The following PDSS1 variants were observed in gnomAD, a reference collection of about 807,000 sequenced individuals.
The protein encoded by PDSS1 is all trans-polyprenyl-diphosphate synthase PDSS1.
PDSS1 carries 43 observed loss-of-function variants against 57.5 expected under a neutral mutation model. The ratio of observed to expected loss-of-function variants is 0.75; its 90% CI spans 0.59 to 0.96. The LOEUF (loss-of-function observed/expected upper bound fraction) is 0.96. Ranked by LOEUF, PDSS1 falls within the 50% of genes least tolerant of loss-of-function variation. The probability of loss-of-function intolerance (pLI) is 0.00; values close to 1 mark genes in which losing one functional copy is unlikely to be tolerated. For synonymous variants in PDSS1, 175 were observed against 191.3 expected, an observed-to-expected ratio of 0.91 and a Z score of 0.70; for missense variants, 438 against 527.8, an observed-to-expected ratio of 0.83 and a Z score of 1.67.
At chr10:26,704,083 C>CAAAAAAAAAAAAAAA (rs1203931422) in intron 2 of PDSS1, among the ~76,000 whole-genome samples, 582 of 30,628 alleles carry the variant, frequency 0.019, 68 homozygotes, top group Non-Finnish European at 0.022. Context: ...CTCCGTCTCA[C>CAAAAAAAAAAAAAAA]AAAAAAAAAA....
intron 8 of PDSS1, 22 bp from the exon 9 acceptor site, chr10:26,735,218 C>T: frequency 6.3e-7 from 1 of 1,585,108 alleles, no homozygotes; most frequent in Non-Finnish European, 8.7e-7. Flanking sequence ...CAGCTTATCT[C>T]AGAATGCTCT....
chr10:26,706,700 A>G (rs1003788786), intron 4 of PDSS1, among the ~76,000 whole-genome samples: 1 of 151,942 alleles, frequency 6.6e-6, no homozygotes, highest in East Asian at 1.9e-4. Context: ...CAGTGCCTTC[A>G]TGTTCCCTCC....
chr10:26,724,033 G>A lies in PDSS1; in HGVS notation c.741G>A (p.Gly247=), dbSNP rs1835874769. The A allele has an allele frequency of 6.2e-7, 1 of 1,613,838 alleles. No individual in the cohort carries two copies. The highest frequency in any genetic ancestry group is 8.5e-7 in the Non-Finnish European group (1 of 1,179,820). ...TTATAGGTGAATTTCTTCAGCTCGG[G>A]TCAAAAGAAAATGAGAATGAAAGAT... ...DLVRGEFLQL[G]SKENENERFA... The change falls in exon 8 of 12, where the codon GGG becomes GGA. Residue 247 remains glycine (G), a synonymous_variant. Coordinates refer to ENST00000376215, the MANE Select transcript of PDSS1 (RefSeq NM_014317.5).
chr10:26,733,219 G>T (rs1478576646), intron 8 of PDSS1, among the ~76,000 whole-genome samples: 1 of 152,138 alleles, frequency 6.6e-6, no homozygotes. Flanking sequence ...ATTTCTACGT[G>T]GAAATATCTT....
At chr10:26,709,579 C>G in intron 4 of PDSS1, 59 bp from the exon 5 acceptor site, 2 of 1,571,386 alleles carry the variant, frequency 1.3e-6, no homozygotes, top group Non-Finnish European at 1.7e-6. Flanking sequence ...AAAAGAAATC[C>G]TGTTGGCTTT....
At chr10:26,724,186 C>G in intron 8 of PDSS1, 63 bp downstream of exon 8, 1 of 1,151,958 alleles carries the variant, frequency 8.7e-7, no homozygotes, top group South Asian at 1.2e-5. Flanking sequence ...AGCTAATTTT[C>G]CTAGAAAATA....
chr10:26,724,658 A>G (rs907560443), intron 8 of PDSS1, among the ~76,000 whole-genome samples: 1 of 151,744 alleles, frequency 6.6e-6, no homozygotes, highest in Non-Finnish European at 1.5e-5. Context: ...GCTCACTACA[A>G]CCTCCACCTC....
At chr10:26,704,571 A>C (rs1835149137) in intron 2 of PDSS1, 106 bp from the exon 3 acceptor site, 1 of 707,658 alleles carries the variant, frequency 1.4e-6, no homozygotes, top group Non-Finnish European at 2.6e-6. Context: ...TCTACCTGTA[A>C]ATGGGTGATT....
intron 5 of PDSS1, chr10:26,714,660 T>A (rs1225181444): frequency 6.6e-6 from 1 of 152,162 alleles, no homozygotes; most frequent in African/African-American, 2.4e-5. Flanking sequence ...CATTCCTGTG[T>A]GAAACTCTTT....
Position 26,723,902 on chromosome 10 carries a change from G to A in PDSS1, c.706G>A (p.Glu236Lys), listed in dbSNP as rs151201490. Residue 236 changes from glutamate (E) to lysine (K), a missense_variant, in exon 7 of 12, where the codon GAA becomes AAA. Coordinates refer to ENST00000376215, the MANE Select transcript of PDSS1 (RefSeq NM_014317.5). Reference protein sequence around the residue: ...TVISILTQVIEDLVRGEFLQL... With the variant: ...TVISILTQVIKDLVRGEFLQL... ...TATATCTATTTTAACCCAAGTTATT[G>A]AAGATTTGGTGCGTGGTACGTTGAT... The A allele has an allele frequency of 1.9e-6, 3 of 1,610,304 alleles. No individual in the cohort carries two copies. The highest frequency in any genetic ancestry group is 2.7e-5 in the African/African-American group (2 of 74,852).
chr10:26,731,877 C>T (rs944511815), intron 8 of PDSS1, among the ~76,000 whole-genome samples: 20 of 152,166 alleles, frequency 1.3e-4, no homozygotes, highest in African/African-American at 3.6e-4. Flanking sequence ...CTGCAACCTC[C>T]GCCTCCCAGG....
intron 5 of PDSS1, among the ~76,000 whole-genome samples, chr10:26,714,136 T>C (rs1183668167): frequency 6.6e-6 from 1 of 152,006 alleles, no homozygotes; most frequent in Non-Finnish European, 1.5e-5. Flanking sequence ...GCAACAGAGC[T>C]CAGCAAAACC....
At chr10:26,741,103 G>A (rs1031147397) in intron 10 of PDSS1, among the ~76,000 whole-genome samples, 2 of 151,930 alleles carry the variant, frequency 1.3e-5, no homozygotes, top group Admixed American at 6.6e-5. Context: ...CAGGGTGGGC[G>A]GGAGGAGGTT....
At position 26,724,068 on chromosome 10, in the gene PDSS1, A is replaced by G; in HGVS notation, c.776A>G (p.Tyr259Cys). ...AATGAGAATGAAAGATTTGCACACTACCTTGAGAAGACATTCAAGAAGACC... is the reference window on the plus strand; with the variant it reads ...AATGAGAATGAAAGATTTGCACACTGCCTTGAGAAGACATTCAAGAAGACC... ...KENENERFAH[Y>C]LEKTFKKTAS... Residue 259 changes from tyrosine (Y) to cysteine (C), a missense_variant, in exon 8 of 12, where the codon TAC becomes TGC. By Grantham distance (194) the Tyr-to-Cys change is radical. Around this residue, in one of 2 missense-constraint regions of PDSS1, gnomAD observed 284 missense variants for 390.7 expected, o/e 0.73. Transcript: ENST00000376215. 1 of 1,614,116 alleles carries G rather than the reference A, an allele frequency of 6.2e-7. No individual in the cohort carries two copies.
At position 26,736,081 on chromosome 10, in the gene PDSS1, G is replaced by A. The variant is rs535849009; in HGVS notation, c.1026+502G>A. Among the ~76,000 whole-genome samples the A allele has an allele frequency of 3.0e-4, 46 of 152,258 alleles. 1 individual carries two copies. The highest frequency in any genetic ancestry group is 2.9e-3 in the Admixed American group (44 of 15,298). On this transcript the variant is annotated intron_variant, in intron 10 of 11. Coordinates refer to ENST00000376215, the MANE Select transcript of PDSS1 (RefSeq NM_014317.5). The stretch of plus-strand genomic sequence containing the variant: ...GCTCTGAGAGAGGCTTTAGAACCTC[G>A]GCCATTGCCTCAAAATGTCAGGAAG...
intron 8 of PDSS1, among the ~76,000 whole-genome samples, chr10:26,724,940 C>T (rs1250505510): frequency 1.3e-5 from 2 of 152,164 alleles, no homozygotes; most frequent in African/African-American, 4.8e-5. Flanking sequence ...AGTCCTATTT[C>T]TTCAGAGTAC....
intron 8 of PDSS1, chr10:26,734,550 C>T: frequency 5.3e-6 from 2 of 379,740 alleles, no homozygotes; most frequent in South Asian, 3.9e-5. Flanking sequence ...TATTTCTCCC[C>T]CATTGAAAGG....
At chr10:26,724,272 A>G (rs1835883524) in intron 8 of PDSS1, 149 bp downstream of exon 8, 4 of 688,248 alleles carry the variant, frequency 5.8e-6, no homozygotes, top group Admixed American at 4.5e-5. Flanking sequence ...TCCCCAAACA[A>G]TAGAGGACTT....
Position 26,709,622 on chromosome 10 carries a change from A to G in PDSS1, c.337-16A>G. On this transcript the variant is annotated splice_polypyrimidine_tract_variant and intron_variant, in intron 4 of 11. Coordinates refer to ENST00000376215, the MANE Select transcript of PDSS1 (RefSeq NM_014317.5). ...GTTTTTTGATGCCATTGTGACACAG[A>G]GAAACTTTATTTCAGGAACTGCTTA... 1 of 1,613,288 alleles carries G rather than the reference A, an allele frequency of 6.2e-7. No individual in the cohort carries two copies. Among genetic ancestry groups the G allele is most frequent in the Non-Finnish European group, 8.5e-7 (1 of 1,179,318 alleles).
Sources: gnomAD v4.1 joint callset for allele counts (sites outside exome capture counted in the v4.1 genomes callset) on GRCh38, gnomAD v4.1.1 for gene constraint, gnomAD v4.1.1 regional missense constraint, MANE v1.5 for transcripts, NCBI Gene and HGNC (gene_info 2026-07-23, HGNC 2026-07-21) for gene names.